SGCZ: variants seen among roughly 807,000 people sequenced by gnomAD.
SGCZ encodes the protein zeta-sarcoglycan.
A neutral mutation model predicts 41.3 loss-of-function variants in SGCZ; 40 were observed. That is an observed-to-expected ratio of 0.97 (90% CI 0.75 to 1.26). The LOEUF is 1.26. Ranked by LOEUF, SGCZ falls within the 50% of genes most tolerant of loss-of-function variation. The pLI, the probability that SGCZ is intolerant of heterozygous loss-of-function variation, is 0.00. For missense variants in SGCZ, 552 were observed against 369.8 expected (o/e 1.49, Z -4.04); for synonymous variants, 206 against 137.5 (o/e 1.50, Z -3.49).
chr8:14,861,888 T>A (rs927453196), intron 1 of SGCZ, among the ~76,000 whole-genome samples: 2 of 152,086 alleles, frequency 1.3e-5, no homozygotes, highest in African/African-American at 4.8e-5. Context: ...CTTCTCCAAA[T>A]AGGATGGAAA....
chr8:14,627,311 A>AATATGAAAT (rs1484555456), intron 1 of SGCZ, among the ~76,000 whole-genome samples: 1 of 152,100 alleles, frequency 6.6e-6, no homozygotes, highest in Non-Finnish European at 1.5e-5. Context: ...TTAACACACA[A>AATATGAAAT]ATATGAAATT....
chr8:14,821,613 C>A (rs1256246657), intron 1 of SGCZ, among the ~76,000 whole-genome samples: 1 of 151,976 alleles, frequency 6.6e-6, no homozygotes. Context: ...AAAGATCAGG[C>A]ACTATGATCA....
chr8:14,780,475 CAT>C (rs1430826723), intron 1 of SGCZ, among the ~76,000 whole-genome samples: 2 of 151,848 alleles, frequency 1.3e-5, no homozygotes, highest in Non-Finnish European at 2.9e-5. Context: ...TATAGCCTAT[CAT>C]GTGTCATCTA....
intron 1 of SGCZ, among the ~76,000 whole-genome samples, chr8:14,850,567 G>T (rs1055357636): frequency 1.3e-5 from 2 of 152,162 alleles, no homozygotes; most frequent in Admixed American, 1.3e-4. Context: ...ACAAGACATG[G>T]AGCTACTTCA....
intron 2 of SGCZ, among the ~76,000 whole-genome samples, chr8:14,481,125 C>T (rs932580819): frequency 6.6e-6 from 1 of 151,904 alleles, no homozygotes; most frequent in Non-Finnish European, 1.5e-5. Flanking sequence ...ACAAATAACC[C>T]AATTAAATAA....
intron 1 of SGCZ, among the ~76,000 whole-genome samples, chr8:15,089,513 C>T (rs1022115410): frequency 3.3e-5 from 5 of 151,932 alleles, no homozygotes; most frequent in African/African-American, 9.7e-5. Flanking sequence ...CAGTGATACT[C>T]CTCATGTCAA....
intron 1 of SGCZ, among the ~76,000 whole-genome samples, chr8:14,630,117 C>G (rs1260369747): frequency 6.6e-6 from 1 of 152,090 alleles, no homozygotes; most frequent in Non-Finnish European, 1.5e-5. Flanking sequence ...CTTGCCTCAT[C>G]CCTTATTTAC....
At chr8:14,250,961 C>G (rs543046115) in intron 3 of SGCZ, among the ~76,000 whole-genome samples, 14 of 152,282 alleles carry the variant, frequency 9.2e-5, no homozygotes, top group African/African-American at 3.4e-4. Flanking sequence ...GGCATGGTGG[C>G]TCATGTCTGT....
At chr8:14,687,644 G>T (rs971023266) in intron 1 of SGCZ, among the ~76,000 whole-genome samples, 2 of 151,730 alleles carry the variant, frequency 1.3e-5, no homozygotes, top group African/African-American at 4.9e-5. Context: ...GAATAGTGCT[G>T]CAATAAACAT....
At chr8:14,566,511 A>C (rs1355581163) in intron 1 of SGCZ, among the ~76,000 whole-genome samples, 2 of 152,224 alleles carry the variant, frequency 1.3e-5, no homozygotes, top group Non-Finnish European at 2.9e-5. Flanking sequence ...AGAAAGGTGA[A>C]AGCTTTACTC....
chr8:14,541,273 G>A (rs917971377), intron 2 of SGCZ, among the ~76,000 whole-genome samples: 1 of 151,846 alleles, frequency 6.6e-6, no homozygotes, highest in African/African-American at 2.4e-5. Flanking sequence ...CATGCATTAG[G>A]TATTTGTCCT....
At chr8:14,225,439 G>A (rs1585250925) in intron 4 of SGCZ, among the ~76,000 whole-genome samples, 1 of 151,930 alleles carries the variant, frequency 6.6e-6, no homozygotes, top group East Asian at 1.9e-4. Flanking sequence ...ACTAAAAATT[G>A]AGGCTGAGAT....
chr8:14,308,480 G>A (rs1230519323), intron 3 of SGCZ, among the ~76,000 whole-genome samples: 2 of 151,944 alleles, frequency 1.3e-5, no homozygotes, highest in South Asian at 2.1e-4. Flanking sequence ...CAAAGGCAGG[G>A]TTCAAGCTTC....
intron 4 of SGCZ, among the ~76,000 whole-genome samples, chr8:14,194,797 C>G (rs892915308): frequency 1.3e-5 from 2 of 151,692 alleles, no homozygotes; most frequent in Non-Finnish European, 2.9e-5. Context: ...TTTAAGAGAG[C>G]TGTGAATAGT....
intron 1 of SGCZ, among the ~76,000 whole-genome samples, chr8:15,102,544 ATTGG>A (rs1806653976): frequency 6.6e-6 from 1 of 150,554 alleles, no homozygotes; most frequent in Non-Finnish European, 1.5e-5. Flanking sequence ...ATGTATCCAT[ATTGG>A]TTTATGAAAT....
intron 1 of SGCZ, among the ~76,000 whole-genome samples, chr8:14,639,067 G>C (rs962673304): frequency 3.4e-5 from 4 of 116,148 alleles, no homozygotes; most frequent in Admixed American, 9.2e-5. Flanking sequence ...CTTTTTTTGA[G>C]AGGGAATTTT....
chr8:14,840,262 T>G (rs1169276010), intron 1 of SGCZ, among the ~76,000 whole-genome samples: 1 of 152,166 alleles, frequency 6.6e-6, no homozygotes, highest in Non-Finnish European at 1.5e-5. Context: ...TTGCCACCTA[T>G]TATATTGCAA....
chr8:14,837,325 G>C (rs1355529978), intron 1 of SGCZ, among the ~76,000 whole-genome samples: 1 of 152,210 alleles, frequency 6.6e-6, no homozygotes, highest in Non-Finnish European at 1.5e-5. Context: ...AGGTGTACCA[G>C]GCAAAGGGAA....
chr8:14,396,723 G>A (rs1798930552), intron 2 of SGCZ, among the ~76,000 whole-genome samples: 1 of 151,850 alleles, frequency 6.6e-6, no homozygotes, highest in Non-Finnish European at 1.5e-5. Flanking sequence ...ATGGTCTACT[G>A]AGGGCTTATT....
Sources: gnomAD v4.1 joint callset for allele counts (sites outside exome capture counted in the v4.1 genomes callset) on GRCh38, gnomAD v4.1.1 for gene constraint, MANE v1.5 for transcripts, NCBI Gene and HGNC (gene_info 2026-07-23, HGNC 2026-07-21) for gene names.